Variants in HSD17B11 observed in about 807,000 individuals in gnomAD.
The protein encoded by HSD17B11 is hydroxysteroid 17-beta dehydrogenase 11.
HSD17B11 carries 22 observed loss-of-function variants against 27.8 expected under a neutral mutation model. The observed-to-expected ratio is 0.79, with a 90% CI of 0.56 to 1.13. The LOEUF (loss-of-function observed/expected upper bound fraction) is 1.13, where lower values mean the gene tolerates loss of function less well. HSD17B11 is among the 50% of genes most tolerant of loss of function. The pLI, the probability that HSD17B11 is intolerant of heterozygous loss-of-function variation, is 0.00. For synonymous variants in HSD17B11, 117 were observed against 132.8 expected (o/e 0.88, Z 0.82); for missense variants, 314 against 351.1 (o/e 0.89, Z 0.84).
At position 87,382,258 on chromosome 4, in the gene HSD17B11, C is replaced by A. The variant is rs1207511001; in HGVS notation, c.315G>T (p.Lys105Asn). ...CTAACTAAACACAACATTTCACCTTCTTTGCAGAGCTGTAAATATCTTCTC... is the reference window on the plus strand; with the variant it reads ...CTAACTAAACACAACATTTCACCTTATTTGCAGAGCTGTAAATATCTTCTC... ...SNREDIYSSA[K>N]KVKAEIGDVS... The change falls in exon 2 of 7, where the codon AAG becomes AAT. Residue 105 changes from lysine to asparagine, a missense_variant. By Grantham distance (94) the Lys-to-Asn change is moderately conservative. Transcript: ENST00000358290. 1 of 1,610,248 alleles carries A rather than the reference C, an allele frequency of 6.2e-7. No homozygotes were observed. Among genetic ancestry groups the A allele is most frequent in the Admixed American group, 1.7e-5 (1 of 59,984 alleles).
chr4:87,386,187 CCTT>C (rs1309828318), intron 1 of HSD17B11, among the ~76,000 whole-genome samples: 1 of 150,122 alleles, frequency 6.7e-6, no homozygotes, highest in East Asian at 1.9e-4. Flanking sequence ...GCTTTCCACA[CCTT>C]CTGAATTGTG....
At chr4:87,341,907 T>C (rs746594104) in intron 5 of HSD17B11, among the ~76,000 whole-genome samples, 8 of 152,122 alleles carry the variant, frequency 5.3e-5, no homozygotes, top group Middle Eastern at 3.4e-3. Context: ...AAAAAATCAG[T>C]TACAGAAGTG....
chr4:87,379,545 ATACATATACATC>A (rs1004491645), intron 2 of HSD17B11, among the ~76,000 whole-genome samples: 2 of 146,488 alleles, frequency 1.4e-5, no homozygotes, highest in African/African-American at 2.5e-5. Flanking sequence ...ACAGCATTAT[ATACATATACATC>A]TACATATACA....
At chr4:87,370,581 A>T (rs1317154408) in intron 4 of HSD17B11, among the ~76,000 whole-genome samples, 3 of 150,086 alleles carry the variant, frequency 2.0e-5, no homozygotes, top group African/African-American at 4.9e-5. Context: ...CACCCAGCTA[A>T]TTTTTTTTGT....
intron 2 of HSD17B11, among the ~76,000 whole-genome samples, chr4:87,379,853 TATG>T (rs368308538): frequency 0.36 from 51,261 of 144,180 alleles, 10,411 homozygotes; most frequent in African/African-American, 0.53. Context: ...TATATATGTA[TATG>T]TATATGTATT....
In HSD17B11 at chr4:87,366,534, T is replaced by C. The variant is rs1320370724; in HGVS notation, c.557+6175A>G. On this transcript the variant is annotated intron_variant, in intron 4 of 6. Transcript: ENST00000358290. ...TTTGGACTATATTTGTATAAATATG[T>C]TATTGGTATATGTTCCAAAGTTATA... Among the ~76,000 whole-genome samples the C allele has an allele frequency of 2.6e-5, 4 of 152,338 alleles. No individual in the cohort carries two copies. The East Asian group carries it at 7.7e-4, about 29-fold the overall frequency.
chr4:87,369,459 G>A (rs1445210484), intron 4 of HSD17B11, among the ~76,000 whole-genome samples: 1 of 148,796 alleles, frequency 6.7e-6, no homozygotes, highest in Non-Finnish European at 1.5e-5. Flanking sequence ...TTTGTGTTGA[G>A]GTCTGTCTTT....
At chr4:87,357,731 T>A (rs1239463672) in intron 4 of HSD17B11, among the ~76,000 whole-genome samples, 3 of 152,184 alleles carry the variant, frequency 2.0e-5, no homozygotes, top group Non-Finnish European at 4.4e-5. Flanking sequence ...CAAAATTCAG[T>A]GTCACTATAA....
intron 4 of HSD17B11, among the ~76,000 whole-genome samples, chr4:87,371,316 C>T (rs972151827): frequency 1.3e-5 from 2 of 152,120 alleles, no homozygotes; most frequent in East Asian, 1.9e-4. Context: ...AACCATAACA[C>T]GGATAAATCT....
rs185995203 is a variant in HSD17B11, at chr4:87,372,325, T to C, written c.557+384A>G. On this transcript the variant is annotated intron_variant, in intron 4 of 6. Transcript: ENST00000358290. Reference sequence around the variant, plus strand: ...ACTCTGATTTAATTTCTGCAAAAATTTACCCATTTTTATTAATATTAAAAA... The same window carrying C: ...ACTCTGATTTAATTTCTGCAAAAATCTACCCATTTTTATTAATATTAAAAA... Among the ~76,000 whole-genome samples, 237 of 151,794 alleles carry C rather than the reference T, an allele frequency of 1.6e-3. 2 individuals are homozygous for C. Among genetic ancestry groups the C allele is most frequent in the African/African-American group, 5.5e-3 (229 of 41,482 alleles).
intron 1 of HSD17B11, among the ~76,000 whole-genome samples, chr4:87,389,551 T>C (rs1720403982): frequency 6.6e-6 from 1 of 152,222 alleles, no homozygotes; most frequent in Non-Finnish European, 1.5e-5. Context: ...AATGTCCATT[T>C]TCCCTACTAG....
chr4:87,390,608 G>C (rs535859967), intron 1 of HSD17B11, among the ~76,000 whole-genome samples: 2 of 152,248 alleles, frequency 1.3e-5, no homozygotes, highest in East Asian at 3.9e-4. Flanking sequence ...AAAAAATTAT[G>C]AGTTATCCTT....
In HSD17B11 at chr4:87,386,626, G is replaced by A. The variant is rs558613979; in HGVS notation, c.210+4235C>T. Reference sequence around the variant, plus strand: ...AAAAAATGAATTCTTCCTTTAAAATGTTTTGCAGCACAGTACAATTGCTCA... The same window carrying A: ...AAAAAATGAATTCTTCCTTTAAAATATTTTGCAGCACAGTACAATTGCTCA... On this transcript the variant is annotated intron_variant, in intron 1 of 6. Coordinates refer to ENST00000358290, the MANE Select transcript of HSD17B11 (RefSeq NM_016245.5). Among the ~76,000 whole-genome samples, 138 of 152,204 alleles carry A rather than the reference G, an allele frequency of 9.1e-4. 1 individual carries two copies. In the South Asian group the frequency reaches 0.027, roughly 30 times the overall value.
rs771699334 is a variant in HSD17B11, at chr4:87,382,349, T to A, written c.224A>T (p.Glu75Val). The A allele has an allele frequency of 1.6e-5, 26 of 1,613,616 alleles. No individual in the cohort carries two copies. The highest frequency in any genetic ancestry group is 7.6e-6 in the Non-Finnish European group (9 of 1,179,614). ...CAGTCCCTTGCATTTGGCAGCTGTT[T>A]CCTCCAGTCCATGCTAGAAAAAGCA... ...LWDINKHGLE[E>V]TAAKCKGLGA... The change falls in exon 2 of 7, where the codon GAA (glutamate) becomes GTA (valine). Residue 75 changes from glutamate to valine, a missense_variant. Coordinates refer to ENST00000358290, the MANE Select transcript of HSD17B11 (RefSeq NM_016245.5).
At chr4:87,356,053 A>C (rs1735378371) in intron 5 of HSD17B11, among the ~76,000 whole-genome samples, 1 of 152,228 alleles carries the variant, frequency 6.6e-6, no homozygotes, top group African/African-American at 2.4e-5. Context: ...GCTAGTCATC[A>C]GGGTAAAAAC....
chr4:87,354,254 C>T (rs1436611999), intron 5 of HSD17B11, among the ~76,000 whole-genome samples: 1 of 151,844 alleles, frequency 6.6e-6, no homozygotes, highest in Non-Finnish European at 1.5e-5. Flanking sequence ...GATCAGCTGT[C>T]AAGAGTTCGA....
intron 1 of HSD17B11, among the ~76,000 whole-genome samples, chr4:87,383,259 T>C (rs983911855): frequency 6.6e-6 from 1 of 151,992 alleles, no homozygotes; most frequent in Admixed American, 6.6e-5. Context: ...TTAAGATTTA[T>C]CAAAAAATGA....
At chr4:87,386,061 G>A (rs1039108278) in intron 1 of HSD17B11, among the ~76,000 whole-genome samples, 4 of 151,724 alleles carry the variant, frequency 2.6e-5, no homozygotes, top group Admixed American at 2.0e-4. Context: ...TTGGCTTTCT[G>A]TAACCACCAA....
chr4:87,374,647 T>C lies in HSD17B11; in HGVS notation c.450+52A>G, dbSNP rs532761559. ...CTTATGTCTGCTAAAAGCCCCACTT[T>C]AATCTTTGGGATTTTCAAAAGGAAC... On this transcript the variant is annotated intron_variant, in intron 3 of 6. Transcript: ENST00000358290. 72 of 1,553,278 alleles carry C rather than the reference T, an allele frequency of 4.6e-5. No homozygotes were observed. The South Asian group carries it at 7.8e-4, about 17-fold the overall frequency.
Sources: gnomAD v4.1 joint callset for allele counts (sites outside exome capture counted in the v4.1 genomes callset) on GRCh38, gnomAD v4.1.1 for gene constraint, MANE v1.5 for transcripts, NCBI Gene and HGNC (gene_info 2026-07-23, HGNC 2026-07-21) for gene names.